The following NSUN6 variants were observed in gnomAD, a reference collection of about 807,000 sequenced individuals.
The protein encoded by NSUN6 is tRNA (cytosine(72)-C(5))-methyltransferase NSUN6.
In NSUN6, 64 loss-of-function variants were observed where a neutral mutation model predicts 58.0. The observed-to-expected ratio is 1.10, with a 90% CI of 0.90 to 1.36. The LOEUF (loss-of-function observed/expected upper bound fraction) is 1.36, where lower values mean the gene tolerates loss of function less well. Ranked by LOEUF, NSUN6 falls within the 40% of genes most tolerant of loss-of-function variation. The pLI is 0.00. For synonymous variants in NSUN6, 231 were observed against 193.9 expected (o/e 1.19, Z -1.59); for missense variants, 701 against 550.1 (o/e 1.27, Z -2.74).
chr10:18,631,995 C>T (rs2059047252), intron 3 of NSUN6, among the ~76,000 whole-genome samples: 1 of 152,016 alleles, frequency 6.6e-6, no homozygotes, highest in Non-Finnish European at 1.5e-5. Context: ...CACTACCTGA[C>T]TTCAAACTAT....
intron 5 of NSUN6, 49 bp downstream of exon 5, chr10:18,614,411 T>A (rs751542865): frequency 8.5e-7 from 1 of 1,170,496 alleles, no homozygotes; most frequent in Non-Finnish European, 1.2e-6. Flanking sequence ...TTAATTTTCA[T>A]TGACCCACAA....
chr10:18,616,113 A>G (rs970215389), intron 4 of NSUN6, 71 bp downstream of exon 4: 9 of 921,230 alleles, frequency 9.8e-6, no homozygotes, highest in Non-Finnish European at 1.2e-5. Flanking sequence ...TGACAAATCA[A>G]TAAATTTTCC....
chr10:18,552,155 A>G (rs776894751), intron 8 of NSUN6, among the ~76,000 whole-genome samples, 184 bp from the exon 9 acceptor site: 1 of 114,048 alleles, frequency 8.8e-6, no homozygotes, highest in Non-Finnish European at 1.8e-5. Flanking sequence ...ATGTGGTAGA[A>G]AGGTTTAAAA....
intron 8 of NSUN6, among the ~76,000 whole-genome samples, chr10:18,556,070 G>A (rs2054993686): frequency 6.6e-6 from 1 of 151,056 alleles, no homozygotes. Flanking sequence ...ATGGAGAATG[G>A]AATGGAATCG....
At chr10:18,605,524 G>A (rs894843132) in intron 6 of NSUN6, among the ~76,000 whole-genome samples, 3 of 152,178 alleles carry the variant, frequency 2.0e-5, no homozygotes, top group Non-Finnish European at 4.4e-5. Context: ...TTTGAATTAG[G>A]AGCAGGATTT....
At chr10:18,625,741 A>T (rs2058776186) in intron 3 of NSUN6, among the ~76,000 whole-genome samples, 1 of 150,058 alleles carries the variant, frequency 6.7e-6, no homozygotes, top group South Asian at 2.1e-4. Flanking sequence ...AAAAAAAAAA[A>T]AAAAAAAGAT....
At chr10:18,552,741 C>G (rs2054687556) in intron 8 of NSUN6, among the ~76,000 whole-genome samples, 1 of 151,158 alleles carries the variant, frequency 6.6e-6, no homozygotes, top group Non-Finnish European at 1.5e-5. Context: ...CCACTCCATT[C>G]AATTCTCTAC....
At chr10:18,572,727 C>A (rs1294026470) in intron 8 of NSUN6, among the ~76,000 whole-genome samples, 3 of 150,024 alleles carry the variant, frequency 2.0e-5, no homozygotes, top group Non-Finnish European at 4.5e-5. Flanking sequence ...CCATTCCATT[C>A]CACATCCTCC....
chr10:18,575,165 C>G (rs1037667313), intron 8 of NSUN6, among the ~76,000 whole-genome samples: 12 of 152,176 alleles, frequency 7.9e-5, no homozygotes, highest in African/African-American at 2.9e-4. Context: ...TTGGGGGCCC[C>G]AGGCCATGTG....
chr10:18,567,604 C>T (rs2056056832), intron 8 of NSUN6, among the ~76,000 whole-genome samples: 1 of 149,726 alleles, frequency 6.7e-6, no homozygotes, highest in Non-Finnish European at 1.5e-5. Context: ...ATTCTCCATT[C>T]CATTCTCTAT....
intron 3 of NSUN6, among the ~76,000 whole-genome samples, chr10:18,621,974 A>T (rs1370830098): frequency 2.0e-5 from 3 of 152,084 alleles, no homozygotes; most frequent in Non-Finnish European, 2.9e-5. Context: ...CTTGTGCAAC[A>T]GCATTTCTTA....
intron 3 of NSUN6, among the ~76,000 whole-genome samples, chr10:18,620,854 A>G (rs1481495267): frequency 1.3e-5 from 2 of 152,254 alleles, no homozygotes; most frequent in East Asian, 3.8e-4. Flanking sequence ...CATCTCACAT[A>G]TAGCACAAAT....
intron 3 of NSUN6, among the ~76,000 whole-genome samples, chr10:18,638,374 G>A (rs1194446515): frequency 6.6e-6 from 1 of 152,032 alleles, no homozygotes; most frequent in Non-Finnish European, 1.5e-5. Flanking sequence ...CCCAGGAGGC[G>A]GAGGTTGCAG....
intron 6 of NSUN6, among the ~76,000 whole-genome samples, chr10:18,609,134 C>A (rs540783381): frequency 2.0e-5 from 3 of 152,156 alleles, no homozygotes; most frequent in Admixed American, 6.5e-5. Flanking sequence ...CAAAGTGAGA[C>A]CCCATCTCTA....
upstream of NSUN6, chr10:18,658,431 C>G (rs1400715892): frequency 1.3e-5 from 2 of 152,898 alleles, no homozygotes; most frequent in African/African-American, 4.8e-5. Flanking sequence ...CCTCCGTCAA[C>G]TGGTTTCAAG....
chr10:18,616,133 T>G, intron 4 of NSUN6, 51 bp downstream of exon 4: 2 of 1,031,942 alleles, frequency 1.9e-6, no homozygotes, highest in Non-Finnish European at 3.0e-6. Context: ...CATTTGAAAA[T>G]GCACATAAAT....
intron 8 of NSUN6, among the ~76,000 whole-genome samples, chr10:18,580,628 T>C (rs1319158387): frequency 1.3e-5 from 2 of 152,048 alleles, no homozygotes; most frequent in Non-Finnish European, 2.9e-5. Flanking sequence ...AGAGGTTCCA[T>C]CCCAGGAGAG....
intron 3 of NSUN6, among the ~76,000 whole-genome samples, chr10:18,628,002 G>C (rs879515287): frequency 1.3e-5 from 2 of 152,240 alleles, no homozygotes; most frequent in Non-Finnish European, 2.9e-5. Context: ...ACACTTAAAT[G>C]TCCCTGTCTG....
rs2054240916 is a variant in NSUN6, at chr10:18,546,101, T to C, written c.1242A>G (p.Ser414=). Residue 414 remains serine, a synonymous_variant, in exon 11 of 11, where the codon TCA becomes TCG. Coordinates refer to ENST00000377304, the MANE Select transcript of NSUN6 (RefSeq NM_182543.5). ...GGEGMRGAGL[S]CEQLKQLQRF... ...GCTGCAGCTGTTTCAACTGTTCACA[T>C]GAGAGCCCAGCTCCCCTCATTCCTT... The C allele has an allele frequency of 3.7e-6, 6 of 1,613,386 alleles. No individual in the cohort carries two copies. The South Asian group carries it at 4.4e-5, about 12-fold the overall frequency.
Sources: gnomAD v4.1 joint callset for allele counts (sites outside exome capture counted in the v4.1 genomes callset) on GRCh38, gnomAD v4.1.1 for gene constraint, MANE v1.5 for transcripts, NCBI Gene and HGNC (gene_info 2026-07-23, HGNC 2026-07-21) for gene names.